The following TXNRD3 variants were observed in gnomAD, a reference collection of about 807,000 sequenced individuals.
TXNRD3 encodes thioredoxin reductase 3.
A neutral mutation model predicts 78.2 loss-of-function variants in TXNRD3; 68 were observed. The observed-to-expected ratio is 0.87, with a 90% CI of 0.72 to 1.06. The LOEUF is 1.06. TXNRD3 is among the 50% of genes least tolerant of loss of function. The probability of loss-of-function intolerance (pLI) is 0.00; values close to 1 mark genes in which losing one functional copy is unlikely to be tolerated. For synonymous variants in TXNRD3, 296 were observed against 300.1 expected (o/e 0.99, Z 0.14); for missense variants, 751 against 809.5 (o/e 0.93, Z 0.88).
chr3:126,627,316 C>T (rs973579429), intron 10 of TXNRD3, among the ~76,000 whole-genome samples: 1 of 152,176 alleles, frequency 6.6e-6, no homozygotes, highest in Non-Finnish European at 1.5e-5. Flanking sequence ...ACATACTGTA[C>T]AATTCCACTT....
At chr3:126,652,474 G>A (rs768236879) in intron 1 of TXNRD3, among the ~76,000 whole-genome samples, 2 of 152,206 alleles carry the variant, frequency 1.3e-5, no homozygotes, top group African/African-American at 4.8e-5. Flanking sequence ...AAATCTGACC[G>A]ATTTTCTACA....
Position 126,608,568 on chromosome 3 carries a change from A to G in TXNRD3, c.1794T>C (p.Ala598=), listed in dbSNP as rs778704916. ...GTTTTGTGAGCCCACATTTCATTGC[A>G]GCTGCAAATCCTTGGGTAACCTCAC... Residue 598 remains alanine (A), a synonymous_variant, in exon 15 of 16, where the codon GCT becomes GCC. Transcript: ENST00000524230. 2 of 1,536,016 alleles carry G rather than the reference A, an allele frequency of 1.3e-6. No individual in the cohort carries two copies. Among genetic ancestry groups the G allele is most frequent in the South Asian group, 2.4e-5 (2 of 84,054 alleles).
At chr3:126,621,991 G>A (rs1475937591) in intron 11 of TXNRD3, 93 bp from the exon 12 acceptor site, 3 of 1,066,198 alleles carry the variant, frequency 2.8e-6, no homozygotes, top group Non-Finnish European at 3.7e-6. Flanking sequence ...TAAATACATA[G>A]AAGACCTCTT....
At chr3:126,620,257 T>C (rs1938417821) in intron 12 of TXNRD3, among the ~76,000 whole-genome samples, 1 of 140,080 alleles carries the variant, frequency 7.1e-6, no homozygotes, top group Non-Finnish European at 1.5e-5. Flanking sequence ...ATCGAGCCAC[T>C]GCACTCCAGC....
At position 126,608,552 on chromosome 3, in the gene TXNRD3, G is replaced by A. The variant is rs1159830372; in HGVS notation, c.1810C>T (p.Leu604Phe). The A allele has an allele frequency of 3.8e-5, 59 of 1,535,788 alleles. No individual in the cohort carries two copies. The highest frequency in any genetic ancestry group is 5.1e-5 in the Non-Finnish European group (59 of 1,146,854). The change falls in exon 15 of 16, where the codon CTC becomes TTC. Residue 604 changes from leucine to phenylalanine, a missense_variant. Coordinates refer to ENST00000524230, the MANE Select transcript of TXNRD3 (RefSeq NM_052883.3). ...GTGTCATCAAGTAGCTGTTTTGTGA[G>A]CCCACATTTCATTGCAGCTGCAAAT...
At chr3:126,647,956 C>T (rs1001442901) in intron 1 of TXNRD3, among the ~76,000 whole-genome samples, 6 of 152,162 alleles carry the variant, frequency 3.9e-5, no homozygotes, top group East Asian at 3.9e-4. Flanking sequence ...TGATCTCATG[C>T]GTAGAAAACC....
At chr3:126,639,490 A>G (rs986922792) in intron 6 of TXNRD3, among the ~76,000 whole-genome samples, 2 of 152,206 alleles carry the variant, frequency 1.3e-5, no homozygotes, top group Admixed American at 1.3e-4. Context: ...AACCTTCCTC[A>G]TACAGCAAAC....
In TXNRD3 at chr3:126,621,739, T is replaced by A. The variant is rs186273426; in HGVS notation, c.1524+3A>T. ...ATTATCTCAAAAACAGTAAGAAACT[T>A]ACCTTTTCTAAAGAGGCCCCAAAAA... On this transcript the variant is annotated splice_donor_region_variant and intron_variant, in intron 12 of 15. Transcript: ENST00000524230. 4 of 1,498,486 alleles carry A rather than the reference T, an allele frequency of 2.7e-6. No homozygotes were observed. The Admixed American group carries it at 9.9e-5, about 37-fold the overall frequency. The allele number at this position is 1,498,486 out of a possible 1,614,324, so 92.8% of individuals were successfully genotyped here.
intron 15 of TXNRD3, 32 bp from the exon 16 acceptor site, chr3:126,608,005 T>C (rs1379701583): frequency 9.3e-6 from 13 of 1,404,986 alleles, no homozygotes; most frequent in Non-Finnish European, 1.1e-5. Flanking sequence ...AATACATATT[T>C]AGATGTTAGT....
At chr3:126,644,458 T>A in intron 3 of TXNRD3, 57 bp from the exon 4 acceptor site, 1 of 1,174,170 alleles carries the variant, frequency 8.5e-7, no homozygotes, top group Non-Finnish European at 1.2e-6. Flanking sequence ...TACAGCTATT[T>A]ATGTACACCC....
In TXNRD3 at chr3:126,644,400, G is replaced by A; in HGVS notation, c.416C>T (p.Ala139Val). ...CTTCTGTAACAAACCACTCTGATAT[G>A]CCTATGGTTTAATTACAGGAGAAAG... Residue 139 changes from alanine (A) to valine (V), a missense_variant and splice_region_variant, in exon 4 of 16, where the codon GCA becomes GTA. Ala to Val is a moderately conservative substitution (Grantham distance 64). Transcript: ENST00000524230. The A allele has an allele frequency of 6.5e-7, 1 of 1,532,630 alleles. No individual in the cohort carries two copies. The highest frequency in any genetic ancestry group is 2.4e-5 in the East Asian group (1 of 40,878). 94.9% of individuals were successfully genotyped at this position (1,532,630 alleles called of 1,614,324 possible). A position where few individuals can be genotyped will look rare whatever the true frequency, so the allele number is the denominator to read the frequency against.
chr3:126,628,124 C>T (rs1394404851), intron 10 of TXNRD3, among the ~76,000 whole-genome samples: 1 of 152,094 alleles, frequency 6.6e-6, no homozygotes, highest in Non-Finnish European at 1.5e-5. Context: ...ATTGAACATA[C>T]ATTCCTTCTT....
chr3:126,651,048 T>C (rs906354317), intron 1 of TXNRD3, among the ~76,000 whole-genome samples: 35 of 152,308 alleles, frequency 2.3e-4, no homozygotes, highest in African/African-American at 8.4e-4. Context: ...ACTTATTGAA[T>C]GCCATTAGCA....
In TXNRD3 at chr3:126,654,738, C is replaced by A; in HGVS notation, c.243+10G>T. 7.6e-7 allele frequency: 1 copy of A among 1,321,002 alleles called. No homozygotes were observed. 81.8% of individuals were successfully genotyped at this position (1,321,002 alleles called of 1,614,324 possible). ...TCGCGCGCGGTGGAACCGGCGAGGG[C>A]CGCGCCTACCCGAGTACTATGGGGA... On this transcript the variant is annotated intron_variant, in intron 1 of 15. Coordinates refer to ENST00000524230, the MANE Select transcript of TXNRD3 (RefSeq NM_052883.3).
intron 1 of TXNRD3, among the ~76,000 whole-genome samples, chr3:126,648,487 T>A (rs1018669347): frequency 2.6e-5 from 4 of 152,150 alleles, no homozygotes; most frequent in African/African-American, 9.7e-5. Context: ...CGTACTGGCA[T>A]AAAGACAGGC....
At chr3:126,622,690 G>C in intron 10 of TXNRD3, 150 bp from the exon 11 acceptor site, 1 of 629,112 alleles carries the variant, frequency 1.6e-6, no homozygotes, top group Admixed American at 3.5e-5. Context: ...AGGTGAAATA[G>C]ATTCCTTAAA....
intron 4 of TXNRD3, 107 bp downstream of exon 4, chr3:126,644,190 C>CA (rs1396014818): frequency 7.3e-7 from 1 of 1,362,228 alleles, no homozygotes; most frequent in Non-Finnish European, 1.0e-6. Flanking sequence ...GCTATTACAA[C>CA]AAAAGCTTAA....
chr3:126,615,501 A>C (rs1445073345), intron 12 of TXNRD3, 39 bp from the exon 13 acceptor site: 1 of 1,099,280 alleles, frequency 9.1e-7, no homozygotes, highest in Non-Finnish European at 1.3e-6. Context: ...ATTTTGTGAA[A>C]CTTTATAGCA....
chr3:126,636,665 C>A (rs982460111), intron 6 of TXNRD3, among the ~76,000 whole-genome samples: 1 of 152,134 alleles, frequency 6.6e-6, no homozygotes, highest in African/African-American at 2.4e-5. Context: ...CAAGACACTA[C>A]CAGAGAGGAT....
Sources: gnomAD v4.1 joint callset for allele counts (sites outside exome capture counted in the v4.1 genomes callset) on GRCh38, gnomAD v4.1.1 for gene constraint, MANE v1.5 for transcripts, NCBI Gene and HGNC (gene_info 2026-07-23, HGNC 2026-07-21) for gene names.